Variants in COPS2 observed in about 807,000 individuals in gnomAD.
COPS2 encodes COP9 signalosome subunit 2, also known as COP9 signalosome complex subunit 2.
In COPS2, 10 loss-of-function variants were observed where a neutral mutation model predicts 66.1. The observed-to-expected ratio is 0.15, with a 90% CI of 0.09 to 0.26. The LOEUF is 0.26. COPS2 is among the 10% of genes least tolerant of loss of function. COPS2 has a pLI of 1.00. For missense variants in COPS2, 215 were observed against 513.3 expected, an observed-to-expected ratio of 0.42 and a Z score of 5.62; for synonymous variants, 179 against 171.3, an observed-to-expected ratio of 1.04 and a Z score of -0.35.
At chr15:49,144,922 T>TA (rs201599444) in intron 2 of COPS2, 43 bp downstream of exon 2, 28,449 of 1,112,334 alleles carry the variant, frequency 0.026, 1,028 homozygotes, top group Admixed American at 0.17. Context: ...AGCATATCAT[T>TA]AAAAAAATTA....
chr15:49,134,278 G>A, intron 7 of COPS2, 62 bp downstream of exon 7: 1 of 1,537,688 alleles, frequency 6.5e-7, no homozygotes, highest in Non-Finnish European at 8.8e-7. Flanking sequence ...AAAAGCAAGA[G>A]TTTAATTAAA....
rs1031423882 is a variant in COPS2, at chr15:49,126,399, GT to G, written c.*1550del. 1.3e-5 allele frequency: 2 copies of G among 152,232 alleles called. No individual in the cohort carries two copies. The highest frequency in any genetic ancestry group is 2.9e-5 in the Non-Finnish European group (2 of 67,872). The allele number at this position is 152,232 out of a possible 1,614,324, so 9.4% of individuals were successfully genotyped here. A position where few individuals can be genotyped will look rare whatever the true frequency, so the allele number is the denominator to read the frequency against. ...TGACAAAACCGAATAAGCATGCCTT[GT>G]TTTAAGTCCATGCTCCTTCCACTGT... is the stretch of plus-strand genomic sequence containing the variant. On this transcript the variant is annotated 3_prime_UTR_variant, in exon 13 of 13. Coordinates refer to ENST00000388901, the MANE Select transcript of COPS2 (RefSeq NM_004236.4).
At chr15:49,136,617 A>G (rs1419647131) in intron 6 of COPS2, among the ~76,000 whole-genome samples, 1 of 152,146 alleles carries the variant, frequency 6.6e-6, no homozygotes, top group Non-Finnish European at 1.5e-5. Context: ...CAGGGTATAT[A>G]ACTACATATC....
chr15:49,132,988 AT>A (rs35969483), intron 9 of COPS2, among the ~76,000 whole-genome samples: 248 of 130,880 alleles, frequency 1.9e-3, no homozygotes, highest in East Asian at 6.6e-3. Flanking sequence ...CATTGTAAAC[AT>A]TTTTTTTTTT....
chr15:49,136,596 C>G (rs923361449), intron 6 of COPS2, among the ~76,000 whole-genome samples: 2 of 152,094 alleles, frequency 1.3e-5, no homozygotes, highest in African/African-American at 4.8e-5. Context: ...AATATCCTGG[C>G]TCTGTTTTCA....
At chr15:49,130,847 A>T in intron 9 of COPS2, 31 bp from the exon 10 acceptor site, 1 of 1,196,548 alleles carries the variant, frequency 8.4e-7, no homozygotes, top group South Asian at 1.2e-5. Context: ...AAATTATGTC[A>T]AACATGAAGA....
chr15:49,143,504 T>G (rs1278375975), intron 3 of COPS2, among the ~76,000 whole-genome samples: 1 of 152,142 alleles, frequency 6.6e-6, no homozygotes, highest in African/African-American at 2.4e-5. Flanking sequence ...GTAAGCACAG[T>G]CATACTGGAT....
At chr15:49,129,140 G>A (rs1239769711) in intron 11 of COPS2, among the ~76,000 whole-genome samples, 3 of 151,874 alleles carry the variant, frequency 2.0e-5, no homozygotes, top group Non-Finnish European at 4.4e-5. Flanking sequence ...TTTATGCCAA[G>A]AAAACAGAAA....
intron 2 of COPS2, 41 bp from the exon 3 acceptor site, chr15:49,144,345 C>T (rs780906211): frequency 8.4e-7 from 1 of 1,188,848 alleles, no homozygotes; most frequent in African/African-American, 1.5e-5. Flanking sequence ...TTAATATTAA[C>T]ACATTATTTT....
chr15:49,139,948 C>G (rs1393293846), intron 3 of COPS2, among the ~76,000 whole-genome samples: 3 of 152,156 alleles, frequency 2.0e-5, no homozygotes, highest in African/African-American at 7.2e-5. Flanking sequence ...ATAAAACCTA[C>G]TACAATATTC....
rs990682323 is a variant in COPS2 at position 49,155,470 on chromosome 15, G to C, written c.54+55C>G. 82 of 1,579,334 alleles carry C rather than the reference G, an allele frequency of 5.2e-5. 1 individual carries two copies. In the African/African-American group the frequency reaches 9.7e-4, roughly 19 times the overall value. ...GAGAGGCCGCGGGCGCCCCGGCCCG[G>C]ACCCCGAAAACAAGACACATCACCA... On this transcript the variant is annotated intron_variant, in intron 1 of 12. Transcript: ENST00000388901.
intron 4 of COPS2, among the ~76,000 whole-genome samples, chr15:49,138,357 T>C (rs898360893): frequency 9.2e-5 from 14 of 152,154 alleles, no homozygotes; most frequent in African/African-American, 3.1e-4. Flanking sequence ...GCTGATGGCA[T>C]ATTGAATAGA....
intron 3 of COPS2, among the ~76,000 whole-genome samples, chr15:49,140,048 G>A (rs749263931): frequency 5.3e-5 from 8 of 151,988 alleles, no homozygotes; most frequent in Non-Finnish European, 8.8e-5. Context: ...AGTGCATGGC[G>A]CGATCTTGAC....
chr15:49,135,440 A>T (rs2084244250), intron 6 of COPS2, among the ~76,000 whole-genome samples: 1 of 152,182 alleles, frequency 6.6e-6, no homozygotes, highest in Non-Finnish European at 1.5e-5. Context: ...CTCTAGTAGA[A>T]GATTAATCTG....
chr15:49,128,080 C>T lies in COPS2; in HGVS notation c.1202G>A (p.Arg401Gln). Residue 401 changes from arginine to glutamine, a missense_variant, in exon 13 of 13, where the codon CGA becomes CAA. Physicochemically the swap from Arg to Gln is conservative, Grantham distance 43. This residue lies in a region of COPS2 where 42 missense variants were observed against 55.9 expected (regional missense o/e 0.75). Transcript: ENST00000388901. ...QCILDNTIHG[R>Q]IDQVNQLLEL... ...AAGGAGTTGGTTGACTTGATCAATTCGGCCATGAATAGTGCTAGAAAGAAA... is the reference window on the plus strand; with the variant it reads ...AAGGAGTTGGTTGACTTGATCAATTTGGCCATGAATAGTGCTAGAAAGAAA... The T allele has an allele frequency of 6.2e-7, 1 of 1,613,468 alleles. No individual in the cohort carries two copies. Among genetic ancestry groups the T allele is most frequent in the Non-Finnish European group, 8.5e-7 (1 of 1,179,636 alleles).
chr15:49,133,197 C>T (rs1354245676), intron 9 of COPS2, among the ~76,000 whole-genome samples: 1 of 152,000 alleles, frequency 6.6e-6, no homozygotes, highest in Non-Finnish European at 1.5e-5. Flanking sequence ...ACCGTGTTAG[C>T]CAGGATGGTC....
chr15:49,148,942 G>A (rs1054669797), intron 1 of COPS2, among the ~76,000 whole-genome samples: 10 of 152,162 alleles, frequency 6.6e-5, no homozygotes, highest in African/African-American at 1.9e-4. Context: ...AGTAAGTATT[G>A]CTAAACTGAA....
rs915690446 is a variant in COPS2, at chr15:49,125,451, T to C, written c.*2499A>G. On this transcript the variant is annotated 3_prime_UTR_variant, in exon 13 of 13. Transcript: ENST00000388901. ...AGAATGAGATGAACACATTACAATA[T>C]GATGTAAACCACTGGTATGGTTTTC... 2 of 152,082 alleles carry C rather than the reference T, an allele frequency of 1.3e-5. No homozygotes were observed. The highest frequency in any genetic ancestry group is 2.9e-5 in the Non-Finnish European group (2 of 67,944). 9.4% of individuals were successfully genotyped at this position (152,082 alleles called of 1,614,324 possible).
intron 3 of COPS2, among the ~76,000 whole-genome samples, chr15:49,141,790 A>AT (rs946278921): frequency 6.6e-6 from 1 of 152,224 alleles, no homozygotes; most frequent in Non-Finnish European, 1.5e-5. Flanking sequence ...CAAAAGGTAG[A>AT]TAAGGTAAAC....
Sources: allele counts gnomAD v4.1 joint callset (sites outside exome capture counted in the v4.1 genomes callset), GRCh38; gene constraint gnomAD v4.1.1; regional missense constraint gnomAD v4.1.1; transcripts MANE v1.5; gene names NCBI Gene and HGNC (gene_info 2026-07-23, HGNC 2026-07-21).